The following HS2ST1 variants were observed in gnomAD, a reference collection of about 807,000 sequenced individuals.
HS2ST1 encodes the protein heparan sulfate 2-O-sulfotransferase 1, also known as 2-O-sulfotransferase.
Under a neutral mutation model 42.9 loss-of-function variants are expected in HS2ST1, and 18 were observed. The ratio of observed to expected loss-of-function variants is 0.42; its 90% confidence interval spans 0.29 to 0.62. The LOEUF (loss-of-function observed/expected upper bound fraction) is 0.62. HS2ST1 is among the 20% of genes least tolerant of loss of function. The pLI, the probability that HS2ST1 is intolerant of heterozygous loss-of-function variation, is 0.21. For missense variants in HS2ST1, 334 were observed against 433.8 expected, an observed-to-expected ratio of 0.77 and a Z score of 2.04; for synonymous variants, 146 against 152.9, an observed-to-expected ratio of 0.95 and a Z score of 0.33.
chr1:87,023,035 T>G (rs1023105705), intron 1 of HS2ST1, among the ~76,000 whole-genome samples: 1 of 152,222 alleles, frequency 6.6e-6, no homozygotes, highest in African/African-American at 2.4e-5. Context: ...ATCTGCTTTC[T>G]TGAGGATAAA....
At chr1:86,938,894 T>C (rs1660709397) in intron 1 of HS2ST1, among the ~76,000 whole-genome samples, 1 of 152,186 alleles carries the variant, frequency 6.6e-6, no homozygotes, top group East Asian at 1.9e-4. Flanking sequence ...AAAGTTACCT[T>C]GAAAAATAAG....
chr1:87,016,979 G>A lies in HS2ST1; in HGVS notation c.125-55955G>A, dbSNP rs115253981. ...TTTAGGGTGCCTTAGGCACCTTAAA[G>A]CTTGAAAATTCCAAGCTAATTTCCA... On this transcript the variant is annotated intron_variant, in intron 1 of 6. Transcript: ENST00000370550. Among the ~76,000 whole-genome samples the A allele has an allele frequency of 5.3e-3, 800 of 152,046 alleles. 9 individuals carry two copies. Among genetic ancestry groups the A allele is most frequent in the African/African-American group, 0.018 (759 of 41,438 alleles).
In HS2ST1 at chr1:87,100,377, C is replaced by T. The variant is rs188667574; in HGVS notation, c.686+2442C>T. 2.0e-3 allele frequency among the ~76,000 whole-genome samples: 300 copies of T among 152,212 alleles called. 1 individual carries two copies. Among genetic ancestry groups the T allele is most frequent in the African/African-American group, 6.9e-3 (285 of 41,520 alleles). On this transcript the variant is annotated intron_variant, in intron 5 of 6. Transcript: ENST00000370550. ...GAGCTGAGGCTGGAACTGGAGTGGC[C>T]GGGATGTGGGGAGCAATGTCCCAAG...
intron 2 of HS2ST1, among the ~76,000 whole-genome samples, chr1:87,074,233 A>G (rs1306803524): frequency 1.3e-5 from 2 of 152,210 alleles, no homozygotes; most frequent in Non-Finnish European, 2.9e-5. Context: ...GCCAAACCAA[A>G]TAACTCTTCT....
chr1:86,985,489 T>TATATACACAC (rs1472205422), intron 1 of HS2ST1, among the ~76,000 whole-genome samples: 1 of 91,966 alleles, frequency 1.1e-5, no homozygotes, highest in Admixed American at 1.3e-4. Context: ...TATATACACA[T>TATATACACAC]ATATATACAC....
chr1:87,072,293 ATTTATAATCAC>A (rs1346651909), intron 1 of HS2ST1, among the ~76,000 whole-genome samples: 4 of 152,196 alleles, frequency 2.6e-5, no homozygotes, highest in Non-Finnish European at 2.9e-5. Flanking sequence ...TCATATTAGC[ATTTATAATCAC>A]TTTATAATCA....
chr1:86,941,090 G>T (rs553707167), intron 1 of HS2ST1, among the ~76,000 whole-genome samples: 1 of 152,282 alleles, frequency 6.6e-6, no homozygotes, highest in South Asian at 2.1e-4. Flanking sequence ...GGAACAAAAT[G>T]ATATTAAGGA....
At chr1:86,985,368 G>GTATATATATATATATATATATATATA (rs1553135008) in intron 1 of HS2ST1, among the ~76,000 whole-genome samples, 4 of 26,910 alleles carry the variant, frequency 1.5e-4, no homozygotes, top group Non-Finnish European at 2.8e-4. Context: ...AAAAAAAAAA[G>GTATATATATATATATATATATATATA]TATATATATA....
At chr1:87,091,341 A>T (rs1392522228) in intron 3 of HS2ST1, among the ~76,000 whole-genome samples, 2 of 152,018 alleles carry the variant, frequency 1.3e-5, no homozygotes, top group African/African-American at 4.8e-5. Flanking sequence ...ACTATAACAG[A>T]TAAATGGTTT....
At chr1:87,069,836 C>T (rs1166056002) in intron 1 of HS2ST1, among the ~76,000 whole-genome samples, 1 of 152,104 alleles carries the variant, frequency 6.6e-6, no homozygotes, top group African/African-American at 2.4e-5. Flanking sequence ...ATATAATGAA[C>T]CAAGAATAAT....
At chr1:86,939,707 A>G (rs1217041957) in intron 1 of HS2ST1, among the ~76,000 whole-genome samples, 1 of 152,244 alleles carries the variant, frequency 6.6e-6, no homozygotes, top group Non-Finnish European at 1.5e-5. Flanking sequence ...CTCATGCACA[A>G]TAACACGTGT....
At chr1:86,944,937 A>G (rs1295915686) in intron 1 of HS2ST1, among the ~76,000 whole-genome samples, 2 of 151,848 alleles carry the variant, frequency 1.3e-5, no homozygotes, top group African/African-American at 2.4e-5. Context: ...AGCTTCAAAC[A>G]TAAGATTCAT....
chr1:86,922,247 A>G (rs533320008), intron 1 of HS2ST1, among the ~76,000 whole-genome samples: 22 of 151,406 alleles, frequency 1.5e-4, no homozygotes, highest in African/African-American at 5.1e-4. Flanking sequence ...ACCTTAATAT[A>G]TTACCACTTT....
Position 86,914,700 on chromosome 1 carries a change from A to T in HS2ST1, c.-337A>T. On this transcript the variant is annotated 5_prime_UTR_variant, in exon 1 of 7. Transcript: ENST00000370550. ...AAGGAGGGAGGGAAGGAAGGAAGAG[A>T]GGGAGGCGGGCAAGCAGGCGGGCGC... 1 of 288,356 alleles carries T rather than the reference A, an allele frequency of 3.5e-6. No individual in the cohort carries two copies. 17.9% of individuals were successfully genotyped at this position (288,356 alleles called of 1,614,324 possible). A position where few individuals can be genotyped will look rare whatever the true frequency, so the allele number is the denominator to read the frequency against.
intron 1 of HS2ST1, among the ~76,000 whole-genome samples, chr1:86,917,533 C>G (rs571299255): frequency 1.4e-5 from 2 of 147,770 alleles, no homozygotes; most frequent in Admixed American, 1.3e-4. Flanking sequence ...AAAAAAAAAC[C>G]AAAGAACAAC....
intron 1 of HS2ST1, among the ~76,000 whole-genome samples, chr1:87,066,528 A>G (rs1189876724): frequency 1.3e-5 from 2 of 152,126 alleles, no homozygotes; most frequent in African/African-American, 2.4e-5. Context: ...TCTGTATATA[A>G]CTTTTGACTT....
intron 1 of HS2ST1, among the ~76,000 whole-genome samples, chr1:87,029,792 T>C (rs1039804611): frequency 6.6e-6 from 1 of 152,114 alleles, no homozygotes; most frequent in South Asian, 2.1e-4. Flanking sequence ...TAGAAAAATT[T>C]ATCCAGATGA....
At chr1:86,955,673 G>A (rs1647657382) in intron 1 of HS2ST1, among the ~76,000 whole-genome samples, 1 of 152,066 alleles carries the variant, frequency 6.6e-6, no homozygotes, top group Admixed American at 6.5e-5. Context: ...TGGTTTTCTT[G>A]TAATTGAAAT....
At chr1:87,032,120 T>C (rs1033428380) in intron 1 of HS2ST1, among the ~76,000 whole-genome samples, 1 of 152,136 alleles carries the variant, frequency 6.6e-6, no homozygotes, top group African/African-American at 2.4e-5. Context: ...ATTAAGAAAA[T>C]AATTGCTCTT....
Sources: allele counts gnomAD v4.1 joint callset (sites outside exome capture counted in the v4.1 genomes callset), GRCh38; gene constraint gnomAD v4.1.1; transcripts MANE v1.5; gene names NCBI Gene and HGNC (gene_info 2026-07-23, HGNC 2026-07-21).